Variants in MGAT1 observed in about 807,000 individuals in gnomAD.
MGAT1 encodes the protein alpha-1,3-mannosyl-glycoprotein 2-beta-N-acetylglucosaminyltransferase.
A neutral mutation model predicts 31.7 loss-of-function variants in MGAT1; 14 were observed. That is an observed-to-expected ratio of 0.44 (90% CI 0.29 to 0.69). The LOEUF (loss-of-function observed/expected upper bound fraction) is 0.69. MGAT1 is among the 30% of genes least tolerant of loss of function. The probability of loss-of-function intolerance (pLI) is 0.12; values close to 1 mark genes in which losing one functional copy is unlikely to be tolerated. For synonymous variants in MGAT1, 338 were observed against 276.0 expected (o/e 1.22, Z -2.23); for missense variants, 557 against 626.0 (o/e 0.89, Z 1.18).
intron 1 of MGAT1, among the ~76,000 whole-genome samples, chr5:180,815,237 A>G (rs1406020646): frequency 6.6e-6 from 1 of 152,136 alleles, no homozygotes; most frequent in Non-Finnish European, 1.5e-5. Flanking sequence ...TAGAGCCTTC[A>G]TGATCCAATC....
chr5:180,795,337 A>G (rs1490185996), intron 1 of MGAT1: 2 of 152,064 alleles, frequency 1.3e-5, no homozygotes, highest in African/African-American at 4.8e-5. Flanking sequence ...ATCAAATTGT[A>G]CACTTTATAT....
Position 180,793,015 on chromosome 5 carries a change from C to A in MGAT1, c.-44G>T, listed in dbSNP as rs769583419. 4 of 1,605,514 alleles carry A rather than the reference C, an allele frequency of 2.5e-6. No individual in the cohort carries two copies. The highest frequency in any genetic ancestry group is 3.4e-6 in the Non-Finnish European group (4 of 1,177,068). On this transcript the variant is annotated 5_prime_UTR_variant, in exon 2 of 2. Coordinates refer to ENST00000307826, the MANE Select transcript of MGAT1 (RefSeq NM_002406.4). ...GGGCAGGCCAGGGGACGGTTCAAGG[C>A]TGCCCTGGGCTTGCCCGGCTCCCTT...
chr5:180,814,118 C>T (rs1561887860), intron 1 of MGAT1, among the ~76,000 whole-genome samples: 1 of 152,172 alleles, frequency 6.6e-6, no homozygotes, highest in African/African-American at 2.4e-5. Context: ...TTCAGATGAT[C>T]ATTGTAATTC....
exon 2 of MGAT1, chr5:180,808,662 C>T (rs1394050344): frequency 3.3e-5 from 5 of 152,258 alleles, no homozygotes; most frequent in Admixed American, 3.3e-4. Flanking sequence ...CTTCTCTTGT[C>T]TCAGTTGCTC....
At chr5:180,804,245 A>C (rs34060154), upstream of MGAT1, among the ~76,000 whole-genome samples, 19,259 of 152,198 alleles carry the variant, frequency 0.13, 1,267 homozygotes, top group East Asian at 0.24. Context: ...GGGTAAGTGC[A>C]AACGTGCTGC....
Position 180,793,047 on chromosome 5 carries a change from A to C in MGAT1, c.-76T>G. On this transcript the variant is annotated 5_prime_UTR_variant, in exon 2 of 2. Coordinates refer to ENST00000307826, the MANE Select transcript of MGAT1 (RefSeq NM_002406.4). ...GGGCTTGCCCGGCTCCCTTGCCCGC[A>C]GTCCTAGGGATGCCTCCTCTGGACT... 1 of 1,546,622 alleles carries C rather than the reference A, an allele frequency of 6.5e-7. No individual in the cohort carries two copies. Among genetic ancestry groups the C allele is most frequent in the Non-Finnish European group, 8.8e-7 (1 of 1,138,334 alleles).
At chr5:180,793,140 G>A (rs181310245) in intron 1 of MGAT1, 43 bp from the exon 2 acceptor site, 15 of 793,434 alleles carry the variant, frequency 1.9e-5, no homozygotes, top group East Asian at 8.1e-5. Context: ...ACAAAGGCTC[G>A]TGGCTCCATG....
intron 1 of MGAT1, among the ~76,000 whole-genome samples, chr5:180,794,224 A>AT (rs36060183): frequency 0.083 from 12,135 of 145,428 alleles, 562 homozygotes; most frequent in East Asian, 0.19. Flanking sequence ...ACAAGTAACA[A>AT]TTAAAAAAAA....
At chr5:180,798,689 T>G (rs1045151305) in intron 1 of MGAT1, among the ~76,000 whole-genome samples, 2 of 152,212 alleles carry the variant, frequency 1.3e-5, no homozygotes, top group Non-Finnish European at 2.9e-5. Flanking sequence ...CCAGCCTCAT[T>G]TGGTAAAATC....
At chr5:180,797,620 T>C (rs950840216) in intron 1 of MGAT1, among the ~76,000 whole-genome samples, 5 of 152,186 alleles carry the variant, frequency 3.3e-5, no homozygotes, top group Non-Finnish European at 7.3e-5. Flanking sequence ...CCCACCCTTC[T>C]AAGCCATGCA....
intron 1 of MGAT1, among the ~76,000 whole-genome samples, chr5:180,812,407 A>ATAACCAT (rs1772633419): frequency 6.6e-6 from 1 of 152,184 alleles, no homozygotes; most frequent in Non-Finnish European, 1.5e-5. Context: ...TTTTTACTTA[A>ATAACCAT]GTGACCTTCG....
Position 180,789,905 on chromosome 5 carries a change from CAT to C in MGAT1, c.*1727_*1728del, listed in dbSNP as rs10577599. Reference sequence around the variant, plus strand: ...TCAGCCTCCCAAAGTGCTGGGATTACATGTGTAAGCCACTGCGCCCGGCCGCG... The same window carrying C: ...TCAGCCTCCCAAAGTGCTGGGATTACGTGTAAGCCACTGCGCCCGGCCGCG... On this transcript the variant is annotated 3_prime_UTR_variant, in exon 2 of 2. Coordinates refer to ENST00000307826, the MANE Select transcript of MGAT1 (RefSeq NM_002406.4). 11,043 of 152,286 alleles carry C rather than the reference CAT, an allele frequency of 0.073. 517 individuals carry two copies. The highest frequency in any genetic ancestry group is 0.17 in the South Asian group (843 of 4,820). 9.4% of individuals were successfully genotyped at this position (152,286 alleles called of 1,614,324 possible). A position where few individuals can be genotyped will look rare whatever the true frequency, so the allele number is the denominator to read the frequency against.
In MGAT1 at chr5:180,792,830, C is replaced by T. The variant is rs778419570; in HGVS notation, c.142G>A (p.Ala48Thr). 7 of 1,560,692 alleles carry T rather than the reference C, an allele frequency of 4.5e-6. No individual in the cohort carries two copies. Among genetic ancestry groups the T allele is most frequent in the African/African-American group, 2.7e-5 (2 of 73,696 alleles). ...PSVSALDGDP[A>T]SLTREVIRLA... ...CGAATCACTTCCCGGGTGAGGCTGGCGGGGTCGCCATCGAGAGCGCTGACT... is the reference window on the plus strand; with the variant it reads ...CGAATCACTTCCCGGGTGAGGCTGGTGGGGTCGCCATCGAGAGCGCTGACT... Residue 48 changes from alanine (A) to threonine (T), a missense_variant, in exon 2 of 2, where the codon GCC (alanine) becomes ACC (threonine). Ala to Thr is a moderately conservative substitution (Grantham distance 58, BLOSUM62 0). This residue lies in a region of MGAT1 where 167 missense variants were observed against 149.8 expected (regional missense o/e 1.11). Transcript: ENST00000307826.
intron 1 of MGAT1, among the ~76,000 whole-genome samples, chr5:180,800,593 A>G (rs1013878638): frequency 9.2e-5 from 14 of 152,160 alleles, no homozygotes; most frequent in African/African-American, 3.1e-4. Flanking sequence ...TCCAAAGGTG[A>G]GTGTTCCAAG....
intron 2 of MGAT1, among the ~76,000 whole-genome samples, chr5:180,808,283 G>A (rs1007403662): frequency 2.6e-5 from 4 of 152,146 alleles, no homozygotes; most frequent in African/African-American, 9.7e-5. Context: ...AGCTGCCTCT[G>A]CCTAGGTAAT....
Position 180,791,788 on chromosome 5 carries a change from T to G in MGAT1, c.1184A>C (p.Lys395Thr), listed in dbSNP as rs757253996. 1.9e-6 allele frequency: 3 copies of G among 1,614,140 alleles called. No individual in the cohort carries two copies. The highest frequency in any genetic ancestry group is 2.5e-6 in the Non-Finnish European group (3 of 1,179,968). ...GACACCCAGAGCCTTGGCGAAAGCC[T>G]TGAAGCTGTCCCTGCCCGTATACTG... ...RVQYTGRDSF[K>T]AFAKALGVMD... Residue 395 changes from lysine to threonine, a missense_variant, in exon 2 of 2, where the codon AAG (lysine) becomes ACG (threonine). By Grantham distance (78) the Lys-to-Thr change is moderately conservative. Coordinates refer to ENST00000307826, the MANE Select transcript of MGAT1 (RefSeq NM_002406.4).
In MGAT1 at chr5:180,791,803, C is replaced by T; in HGVS notation, c.1169G>A (p.Gly390Asp). The change falls in exon 2 of 2, where the codon GGC (glycine) becomes GAC (aspartate). Residue 390 changes from glycine to aspartate, a missense_variant. Around this residue, in one of 3 missense-constraint regions of MGAT1, gnomAD observed 145 missense variants for 143.2 expected, o/e 1.01. Coordinates refer to ENST00000307826, the MANE Select transcript of MGAT1 (RefSeq NM_002406.4). ...ELGEVRVQYT[G>D]RDSFKAFAKA... The stretch of plus-strand genomic sequence containing the variant: ...GGCGAAAGCCTTGAAGCTGTCCCTG[C>T]CCGTATACTGCACCCGCACCTCCCC... 1.2e-6 allele frequency: 2 copies of T among 1,614,216 alleles called. No homozygotes were observed. Among genetic ancestry groups the T allele is most frequent in the South Asian group, 2.2e-5 (2 of 91,086 alleles).
At chr5:180,811,315 A>AT (rs1401370148) in intron 1 of MGAT1, 1 of 152,124 alleles carries the variant, frequency 6.6e-6, no homozygotes, top group Non-Finnish European at 1.5e-5. Context: ...TCTGGAGATG[A>AT]TTTTTTTATT....
At chr5:180,796,768 C>T (rs1187376688) in intron 1 of MGAT1, among the ~76,000 whole-genome samples, 3 of 152,064 alleles carry the variant, frequency 2.0e-5, no homozygotes, top group Non-Finnish European at 2.9e-5. Context: ...CCTGCCACCA[C>T]GCCCAGCTAA....
Sources: allele counts gnomAD v4.1 joint callset (sites outside exome capture counted in the v4.1 genomes callset), GRCh38; gene constraint gnomAD v4.1.1; regional missense constraint gnomAD v4.1.1; transcripts MANE v1.5; gene names NCBI Gene and HGNC (gene_info 2026-07-23, HGNC 2026-07-21).